C2orf78: variants seen among roughly 807,000 people sequenced by gnomAD.
C2orf78 encodes the protein chromosome 2 open reading frame 78, also known as uncharacterized protein C2orf78.
Under a neutral mutation model 21.4 loss-of-function variants are expected in C2orf78, and 12 were observed. The observed-to-expected ratio is 0.56, with a 90% CI of 0.36 to 0.91. The LOEUF is 0.91. C2orf78 is among the 40% of genes least tolerant of loss of function. C2orf78 has a pLI of 0.01. For missense variants in C2orf78, 1,042 were observed against 1,092.4 expected, an observed-to-expected ratio of 0.95 and a Z score of 0.65; for synonymous variants, 396 against 413.9, an observed-to-expected ratio of 0.96 and a Z score of 0.52.
At chr2:73,816,442 C>G (rs1156889051) in exon 3 of C2orf78, 1 of 1,613,858 alleles carries the variant, frequency 6.2e-7, no homozygotes, top group Non-Finnish European at 8.5e-7. Flanking sequence ...CGGCCAAACC[C>G]TCTAGCCTCA....
At chr2:73,812,703 G>A (rs554989426) in intron 1 of C2orf78, among the ~76,000 whole-genome samples, 19 of 152,212 alleles carry the variant, frequency 1.2e-4, no homozygotes, top group African/African-American at 4.3e-4. Flanking sequence ...ACTCCAGCCT[G>A]GGTGACAGAG....
chr2:73,814,307 G>A lies in C2orf78; in HGVS notation c.847+81G>A, dbSNP rs147331816. On this transcript the variant is annotated intron_variant, in intron 2 of 2. Coordinates refer to ENST00000409561, the Ensembl canonical transcript of C2orf78. ...CAAATCTGTAGCGAGTGGTGAGTCC[G>A]TGGATAGGTAGAATTTAAGTCCTGA... 3.3e-4 allele frequency: 476 copies of A among 1,428,666 alleles called. 5 individuals carry two copies. In the East Asian group the frequency reaches 9.5e-3, roughly 28 times the overall value. The allele number at this position is 1,428,666 out of a possible 1,614,324, so 88.5% of individuals were successfully genotyped here. A position where few individuals can be genotyped will look rare whatever the true frequency, so the allele number is the denominator to read the frequency against.
intron 1 of C2orf78, among the ~76,000 whole-genome samples, chr2:73,785,711 C>A (rs1672911886): frequency 1.3e-5 from 2 of 151,898 alleles, no homozygotes; most frequent in Non-Finnish European, 2.9e-5. Flanking sequence ...CCTTTTTGAA[C>A]ATAGATGACA....
rs553499450 is a variant in C2orf78, at chr2:73,807,714, C to T, written c.98-5763C>T. ...TCTGGAAGTTGACAAGAAGGAATATCCACGAATGTAAAAATGCAAGATCAA... is the reference window on the plus strand; with the variant it reads ...TCTGGAAGTTGACAAGAAGGAATATTCACGAATGTAAAAATGCAAGATCAA... On this transcript the variant is annotated intron_variant, in intron 1 of 2. Coordinates refer to ENST00000409561, the Ensembl canonical transcript of C2orf78. Among the ~76,000 whole-genome samples the T allele has an allele frequency of 1.8e-3, 215 of 117,784 alleles. 2 individuals are homozygous for T. Among genetic ancestry groups the T allele is most frequent in the Middle Eastern group, 3.8e-3 (1 of 264 alleles). 77.3% of individuals were successfully genotyped at this position (117,784 alleles called of 152,430 possible).
chr2:73,817,130 G>A (rs889847205), exon 3 of C2orf78: 3 of 1,016,060 alleles, frequency 3.0e-6, no homozygotes, highest in Non-Finnish European at 4.0e-6. Flanking sequence ...AAGTAATAAA[G>A]AGGCCTTTTG....
intron 1 of C2orf78, among the ~76,000 whole-genome samples, chr2:73,786,033 G>A (rs144344211): frequency 6.6e-6 from 1 of 151,390 alleles, no homozygotes; most frequent in African/African-American, 2.4e-5. Flanking sequence ...GCAATAAGAG[G>A]GAAACTCCGC....
intron 1 of C2orf78, among the ~76,000 whole-genome samples, chr2:73,808,126 C>T (rs1462415712): frequency 6.6e-6 from 1 of 150,798 alleles, no homozygotes; most frequent in Non-Finnish European, 1.5e-5. Flanking sequence ...AAGTGGCAGG[C>T]GCCTGTAGTC....
intron 2 of C2orf78, 110 bp downstream of exon 2, chr2:73,814,336 T>G: frequency 8.3e-7 from 1 of 1,211,102 alleles, no homozygotes; most frequent in Non-Finnish European, 1.1e-6. Context: ...GTCCTGAGAC[T>G]TCAACCACTA....
exon 3 of C2orf78, chr2:73,816,874 G>A (rs756025346): frequency 6.2e-7 from 1 of 1,613,980 alleles, no homozygotes; most frequent in South Asian, 1.1e-5. Context: ...GCCATGAAGA[G>A]AAAGGCTCAA....
At chr2:73,815,788 A>C (rs770980497) in exon 3 of C2orf78, 1 of 1,613,636 alleles carries the variant, frequency 6.2e-7, no homozygotes, top group African/African-American at 1.3e-5. Context: ...CAGCCAAAGA[A>C]CCCAGAGTGC....
exon 2 of C2orf78, chr2:73,813,756 T>G: frequency 6.2e-7 from 1 of 1,614,018 alleles, no homozygotes; most frequent in Non-Finnish European, 8.5e-7. Context: ...TATCCAGGCG[T>G]TTTTGAGTGG....
chr2:73,785,822 T>C (rs909353321), intron 1 of C2orf78, among the ~76,000 whole-genome samples: 9 of 151,804 alleles, frequency 5.9e-5, no homozygotes, highest in Non-Finnish European at 8.8e-5. Flanking sequence ...CGAGGTGGGC[T>C]GATCACCTGA....
At chr2:73,785,771 G>A (rs1672913910) in intron 1 of C2orf78, among the ~76,000 whole-genome samples, 1 of 152,020 alleles carries the variant, frequency 6.6e-6, no homozygotes, top group East Asian at 1.9e-4. Flanking sequence ...TAGAGGCCAG[G>A]CTCGGTGGCT....
exon 2 of C2orf78, chr2:73,813,939 A>G (rs745867067): frequency 9.3e-6 from 15 of 1,614,056 alleles, no homozygotes; most frequent in South Asian, 8.8e-5. Flanking sequence ...AGCCTTGTTC[A>G]GGGGACACTA....
At chr2:73,812,935 C>CA (rs1300563925) in intron 1 of C2orf78, among the ~76,000 whole-genome samples, 6 of 151,768 alleles carry the variant, frequency 4.0e-5, no homozygotes, top group South Asian at 2.1e-4. Context: ...TCTAGTAGAC[C>CA]AAAAAAATGC....
chr2:73,815,011 G>A (rs150890453), intron 2 of C2orf78, 60 bp from the exon 3 acceptor site: 1 of 1,503,134 alleles, frequency 6.7e-7, no homozygotes, highest in East Asian at 2.3e-5. Context: ...TTGCTGCACT[G>A]GTGTGTAGGG....
chr2:73,810,975 TA>T lies in C2orf78; in HGVS notation c.98-2501del, dbSNP rs1305894155. Among the ~76,000 whole-genome samples the T allele has an allele frequency of 3.4e-5, 5 of 145,264 alleles. No individual in the cohort carries two copies. In the East Asian group the frequency reaches 9.8e-4, roughly 29 times the overall value. The stretch of plus-strand genomic sequence containing the variant: ...ATAATATACATGTATATTTCATATA[TA>T]TATATATATATGTTTTAGAAATGAT... On this transcript the variant is annotated intron_variant, in intron 1 of 2. Coordinates refer to ENST00000409561, the Ensembl canonical transcript of C2orf78.
At chr2:73,816,690 C>G in exon 3 of C2orf78, 2 of 1,614,034 alleles carry the variant, frequency 1.2e-6, no homozygotes. Context: ...TTGTTCTTCT[C>G]TGCAGCGGGA....
At chr2:73,816,407 A>G (rs1430946047) in exon 3 of C2orf78, 3 of 1,613,178 alleles carry the variant, frequency 1.9e-6, no homozygotes, top group East Asian at 2.2e-5. Flanking sequence ...CCCTGGACCA[A>G]CCTCAAGCTC....
Sources: gnomAD v4.1 joint callset for allele counts (sites outside exome capture counted in the v4.1 genomes callset) on GRCh38, gnomAD v4.1.1 for gene constraint, MANE v1.5 for transcripts, NCBI Gene and HGNC (gene_info 2026-07-23, HGNC 2026-07-21) for gene names.